Variants in PLCB1 observed in about 807,000 individuals in gnomAD.
PLCB1 encodes 1-phosphatidylinositol 4,5-bisphosphate phosphodiesterase beta-1.
Under a neutral mutation model 161.8 loss-of-function variants are expected in PLCB1, and 46 were observed. The observed-to-expected ratio is 0.28, with a 90% CI of 0.22 to 0.36. The LOEUF is 0.36. Among genes scored for constraint, PLCB1 ranks in the 10% least tolerant of loss-of-function variants. The pLI is 1.00. For synonymous variants in PLCB1, 517 were observed against 503.7 expected (o/e 1.03, Z -0.35); for missense variants, 1,016 against 1,472.5 (o/e 0.69, Z 5.07).
chr20:8,707,312 C>T (rs188231637), intron 11 of PLCB1, among the ~76,000 whole-genome samples: 11 of 151,662 alleles, frequency 7.3e-5, no homozygotes, highest in Admixed American at 1.3e-4. Flanking sequence ...AAGGTAGAGA[C>T]GATAGCAGAA....
rs985829855 is a variant in PLCB1 at position 8,264,030 on chromosome 20, C to T, written c.178-107352C>T. On this transcript the variant is annotated intron_variant, in intron 2 of 31. Transcript: ENST00000338037. Reference sequence around the variant, plus strand: ...TTTATAAACTTTTAAATTATTTAAACTTTTGACTCTTGTAAGAACACTCAG... The same window carrying T: ...TTTATAAACTTTTAAATTATTTAAATTTTTGACTCTTGTAAGAACACTCAG... 4.6e-5 allele frequency among the ~76,000 whole-genome samples: 7 copies of T among 152,170 alleles called. No individual in the cohort carries two copies. In the South Asian group the frequency reaches 6.2e-4, roughly 14 times the overall value.
chr20:8,814,863 A>G (rs1028153230), intron 31 of PLCB1, among the ~76,000 whole-genome samples: 6 of 152,194 alleles, frequency 3.9e-5, no homozygotes, highest in African/African-American at 1.4e-4. Flanking sequence ...TAGCAGATGT[A>G]GAAAGAGGCC....
intron 31 of PLCB1, among the ~76,000 whole-genome samples, chr20:8,821,495 A>T (rs1985378180): frequency 1.4e-4 from 1 of 7,026 alleles, no homozygotes; most frequent in South Asian, 3.6e-3. Context: ...AAAAAAAAAA[A>T]AATATGTATA....
chr20:8,874,363 C>T (rs893666045), intron 31 of PLCB1, among the ~76,000 whole-genome samples: 4 of 151,528 alleles, frequency 2.6e-5, no homozygotes, highest in African/African-American at 9.7e-5. Flanking sequence ...GGTAACATAA[C>T]CATACAAAGA....
intron 2 of PLCB1, among the ~76,000 whole-genome samples, chr20:8,261,110 GC>G (rs1981669447): frequency 6.6e-6 from 1 of 152,088 alleles, no homozygotes; most frequent in South Asian, 2.1e-4. Flanking sequence ...TCCTTCTACT[GC>G]CCCCTTCTGC....
intron 3 of PLCB1, among the ~76,000 whole-genome samples, chr20:8,484,613 T>C (rs753654966): frequency 3.3e-5 from 5 of 152,146 alleles, no homozygotes; most frequent in African/African-American, 7.2e-5. Context: ...CCTCCCGAAG[T>C]GCTGGGATTA....
chr20:8,466,363 A>G (rs908703248), intron 3 of PLCB1, among the ~76,000 whole-genome samples: 1 of 150,114 alleles, frequency 6.7e-6, no homozygotes, highest in Non-Finnish European at 1.5e-5. Flanking sequence ...TGGGAGATAT[A>G]CCTAATGCTA....
At chr20:8,186,869 A>G (rs1002106932) in intron 2 of PLCB1, among the ~76,000 whole-genome samples, 3 of 152,136 alleles carry the variant, frequency 2.0e-5, no homozygotes, top group African/African-American at 7.2e-5. Flanking sequence ...CTGAAGGAGC[A>G]TCAAAGTTCA....
chr20:8,341,351 T>C (rs920566652), intron 2 of PLCB1, among the ~76,000 whole-genome samples: 2 of 152,200 alleles, frequency 1.3e-5, no homozygotes, highest in African/African-American at 2.4e-5. Context: ...CCATTATAAC[T>C]GTTGTCCGCT....
At chr20:8,734,402 T>C (rs980726516) in intron 19 of PLCB1, among the ~76,000 whole-genome samples, 2 of 151,850 alleles carry the variant, frequency 1.3e-5, no homozygotes, top group Non-Finnish European at 2.9e-5. Context: ...CTCAATAAAT[T>C]ATCAAATGTT....
intron 1 of PLCB1, among the ~76,000 whole-genome samples, chr20:8,140,634 C>T (rs1000825840): frequency 2.6e-5 from 4 of 152,052 alleles, no homozygotes; most frequent in Non-Finnish European, 4.4e-5. Flanking sequence ...AGAAGCAAAT[C>T]GAGGCTAGTG....
At chr20:8,378,895 G>A (rs997959685) in intron 3 of PLCB1, among the ~76,000 whole-genome samples, 2 of 152,114 alleles carry the variant, frequency 1.3e-5, no homozygotes, top group Non-Finnish European at 2.9e-5. Flanking sequence ...TTCAAGAAAC[G>A]ACTTTCTTTG....
At chr20:8,410,608 A>G (rs1165567759) in intron 3 of PLCB1, among the ~76,000 whole-genome samples, 1 of 152,188 alleles carries the variant, frequency 6.6e-6, no homozygotes, top group Admixed American at 6.5e-5. Context: ...CTCTACTCAT[A>G]GGCCCATGCA....
chr20:8,762,148 T>G (rs1982073801), intron 25 of PLCB1, among the ~76,000 whole-genome samples: 1 of 152,032 alleles, frequency 6.6e-6, no homozygotes, highest in Admixed American at 6.5e-5. Context: ...AGGCGGAGGT[T>G]GCCGTGAGCC....
intron 31 of PLCB1, among the ~76,000 whole-genome samples, chr20:8,853,185 T>C (rs527698518): frequency 6.6e-6 from 1 of 152,370 alleles, no homozygotes; most frequent in Admixed American, 6.5e-5. Flanking sequence ...AGTATGCTCA[T>C]GACAATTAGT....
intron 3 of PLCB1, among the ~76,000 whole-genome samples, chr20:8,399,243 C>G (rs1398390683): frequency 6.6e-6 from 1 of 151,766 alleles, no homozygotes; most frequent in East Asian, 1.9e-4. Context: ...ATCTTTTGCC[C>G]TATCCTGGTA....
chr20:8,538,869 C>G (rs533624912), intron 3 of PLCB1, among the ~76,000 whole-genome samples: 37 of 151,338 alleles, frequency 2.4e-4, no homozygotes, highest in African/African-American at 7.3e-4. Context: ...TCTCTGCTCA[C>G]TGCAACCTCT....
intron 2 of PLCB1, among the ~76,000 whole-genome samples, chr20:8,347,334 G>A (rs1986031249): frequency 6.6e-6 from 1 of 152,144 alleles, no homozygotes; most frequent in African/African-American, 2.4e-5. Flanking sequence ...ATATTTTGTT[G>A]TAAGGGAGCT....
chr20:8,601,136 C>T (rs1987573763), intron 3 of PLCB1, among the ~76,000 whole-genome samples: 1 of 151,606 alleles, frequency 6.6e-6, no homozygotes, highest in Non-Finnish European at 1.5e-5. Flanking sequence ...CCTGTCTATA[C>T]AAAATATAAG....
Sources: gnomAD v4.1 joint callset for allele counts (sites outside exome capture counted in the v4.1 genomes callset) on GRCh38, gnomAD v4.1.1 for gene constraint, MANE v1.5 for transcripts, NCBI Gene and HGNC (gene_info 2026-07-23, HGNC 2026-07-21) for gene names.